PDE4B: variants seen among roughly 807,000 people sequenced by gnomAD.
PDE4B encodes 3',5'-cyclic-AMP phosphodiesterase 4B.
In PDE4B, 20 loss-of-function variants were observed where a neutral mutation model predicts 82.2. The observed-to-expected ratio is 0.24, with a 90% CI of 0.17 to 0.35. PDE4B has a LOEUF of 0.35. PDE4B is among the 10% of genes least tolerant of loss of function. The probability of loss-of-function intolerance (pLI) is 1.00; values close to 1 mark genes in which losing one functional copy is unlikely to be tolerated. For synonymous variants in PDE4B, 320 were observed against 318.9 expected (o/e 1.00, Z -0.04); for missense variants, 655 against 907.2 (o/e 0.72, Z 3.57).
chr1:65,911,588 T>C (rs1457071200), intron 1 of PDE4B, among the ~76,000 whole-genome samples: 13 of 152,030 alleles, frequency 8.6e-5, no homozygotes, highest in Admixed American at 8.5e-4. Context: ...ATAAAATATC[T>C]CTTGTTGCTT....
Position 66,158,653 on chromosome 1 carries a change from C to T in PDE4B, c.282-88807C>T, listed in dbSNP as rs145652866. 3.5e-3 allele frequency among the ~76,000 whole-genome samples: 535 copies of T among 152,216 alleles called. 3 individuals carry two copies. The highest frequency in any genetic ancestry group is 0.012 in the African/African-American group (511 of 41,542). Reference sequence around the variant, plus strand: ...ATATTGTCACTCCCATGTTTATTGCCGCATTATTCACAATAGCCAAAATAC... The same window carrying T: ...ATATTGTCACTCCCATGTTTATTGCTGCATTATTCACAATAGCCAAAATAC... On this transcript the variant is annotated intron_variant, in intron 3 of 16. Transcript: ENST00000341517.
chr1:65,829,526 A>C (rs1646057513), intron 1 of PDE4B, among the ~76,000 whole-genome samples: 1 of 152,216 alleles, frequency 6.6e-6, no homozygotes, highest in East Asian at 1.9e-4. Flanking sequence ...CTGAACATTC[A>C]CAAAGATAGA....
intron 3 of PDE4B, among the ~76,000 whole-genome samples, chr1:66,194,333 T>G (rs1648088326): frequency 6.6e-6 from 1 of 152,152 alleles, no homozygotes; most frequent in African/African-American, 2.4e-5. Flanking sequence ...CTCGATGAAT[T>G]GCTTAGTTGA....
At chr1:65,883,136 C>T (rs1176907352) in intron 1 of PDE4B, among the ~76,000 whole-genome samples, 10 of 152,214 alleles carry the variant, frequency 6.6e-5, no homozygotes, top group Non-Finnish European at 2.9e-5. Context: ...CTTGGAAATG[C>T]GGGCTCTTTT....
At chr1:66,237,487 G>T (rs1392163669) in intron 3 of PDE4B, among the ~76,000 whole-genome samples, 1 of 152,172 alleles carries the variant, frequency 6.6e-6, no homozygotes, top group Non-Finnish European at 1.5e-5. Flanking sequence ...ACCTGGAACT[G>T]AAAATGCACC....
chr1:66,059,627 C>G (rs1253900980), intron 3 of PDE4B, among the ~76,000 whole-genome samples: 1 of 152,102 alleles, frequency 6.6e-6, no homozygotes, highest in Non-Finnish European at 1.5e-5. Context: ...ATTTTGAAAA[C>G]CATCAGATCT....
intron 1 of PDE4B, among the ~76,000 whole-genome samples, chr1:65,895,613 T>C (rs1440692257): frequency 4.0e-5 from 6 of 150,056 alleles, no homozygotes; most frequent in Non-Finnish European, 8.9e-5. Flanking sequence ...TACATGAACA[T>C]TGACCGTGTT....
At chr1:66,332,210 G>A in intron 7 of PDE4B, 2 of 1,439,406 alleles carry the variant, frequency 1.4e-6, no homozygotes, top group South Asian at 1.5e-5. Flanking sequence ...ATGCAGATGA[G>A]CTTATAAGAG....
At chr1:66,002,839 A>G (rs964338553) in intron 3 of PDE4B, among the ~76,000 whole-genome samples, 4 of 152,144 alleles carry the variant, frequency 2.6e-5, no homozygotes, top group Non-Finnish European at 5.9e-5. Flanking sequence ...AATGGAGAAA[A>G]GAGTTTTATA....
chr1:66,154,439 AAAGAG>A (rs747904114), intron 3 of PDE4B, among the ~76,000 whole-genome samples: 7 of 152,210 alleles, frequency 4.6e-5, no homozygotes, highest in Non-Finnish European at 8.8e-5. Flanking sequence ...ATTGAAGGGC[AAAGAG>A]AAGAGAAGAG....
chr1:66,326,821 G>C (rs1659780300), intron 7 of PDE4B, among the ~76,000 whole-genome samples: 1 of 152,172 alleles, frequency 6.6e-6, no homozygotes, highest in Non-Finnish European at 1.5e-5. Context: ...ATGTGTAATT[G>C]AGGGCAGAGC....
intron 7 of PDE4B, among the ~76,000 whole-genome samples, chr1:66,325,958 G>A (rs1659722202): frequency 6.6e-6 from 1 of 152,118 alleles, no homozygotes; most frequent in South Asian, 2.1e-4. Flanking sequence ...TTGTCTAAGG[G>A]CACATTGCTA....
chr1:66,107,886 A>G (rs1186899462), intron 3 of PDE4B, among the ~76,000 whole-genome samples: 3 of 152,044 alleles, frequency 2.0e-5, no homozygotes. Flanking sequence ...AACAACAGCA[A>G]CAACAAATCT....
At chr1:66,040,862 G>A (rs1439518240) in intron 3 of PDE4B, among the ~76,000 whole-genome samples, 2 of 151,912 alleles carry the variant, frequency 1.3e-5, no homozygotes. Context: ...GGAGAAAGGG[G>A]AGGGAGAGGA....
intron 3 of PDE4B, among the ~76,000 whole-genome samples, chr1:65,955,070 C>T (rs182336039): frequency 5.0e-4 from 76 of 152,176 alleles, no homozygotes; most frequent in African/African-American, 1.8e-3. Context: ...AGAAAACAGA[C>T]GCTTGGCACT....
At chr1:66,247,795 A>G (rs1398321583) in intron 4 of PDE4B, 141 bp downstream of exon 4, 1 of 594,356 alleles carries the variant, frequency 1.7e-6, no homozygotes, top group African/African-American at 1.9e-5. Flanking sequence ...TGACGTGATG[A>G]CCATTTTAAG....
At chr1:66,200,178 G>C (rs1648757589) in intron 3 of PDE4B, among the ~76,000 whole-genome samples, 1 of 152,136 alleles carries the variant, frequency 6.6e-6, no homozygotes, top group Non-Finnish European at 1.5e-5. Context: ...TTATTTCCGA[G>C]GGTTCTGTTC....
chr1:66,056,512 CTATCTATCTATCTATCTATCATCT>C (rs1367821349), intron 3 of PDE4B, among the ~76,000 whole-genome samples: 206 of 73,986 alleles, frequency 2.8e-3, no homozygotes, highest in African/African-American at 0.011. Context: ...ATCTATCTAT[CTATCTATCTATCTATCTATCATCT>C]ATCTATCTAT....
intron 3 of PDE4B, among the ~76,000 whole-genome samples, chr1:66,012,454 G>A (rs1386584463): frequency 6.6e-6 from 1 of 152,042 alleles, no homozygotes; most frequent in African/African-American, 2.4e-5. Context: ...TTTGTGTTCT[G>A]TCTTAAACCT....
Sources: allele counts gnomAD v4.1 joint callset (sites outside exome capture counted in the v4.1 genomes callset), GRCh38; gene constraint gnomAD v4.1.1; transcripts MANE v1.5; gene names NCBI Gene and HGNC (gene_info 2026-07-23, HGNC 2026-07-21).